The following NPEPL1 variants were observed in gnomAD, a reference collection of about 807,000 sequenced individuals.
NPEPL1 encodes aminopeptidase like 1, also known as probable aminopeptidase NPEPL1.
In NPEPL1, 45 loss-of-function variants were observed where a neutral mutation model predicts 52.4. The ratio of observed to expected loss-of-function variants is 0.86; its 90% CI spans 0.68 to 1.10. The LOEUF is 1.10. Among genes scored for constraint, NPEPL1 ranks in the 50% least tolerant of loss-of-function variants. The pLI, the probability that NPEPL1 is intolerant of heterozygous loss-of-function variation, is 0.00. For missense variants in NPEPL1, 696 were observed against 710.9 expected (o/e 0.98, Z 0.24); for synonymous variants, 360 against 314.7 (o/e 1.14, Z -1.52).
chr20:58,692,864 CGG>C lies in NPEPL1; in HGVS notation c.-35_-34del. 1.0e-6 allele frequency: 1 copy of C among 1,000,000 alleles called. No homozygotes were observed. The highest frequency in any genetic ancestry group is 1.2e-6 in the Non-Finnish European group (1 of 839,300). 61.9% of individuals were successfully genotyped at this position (1,000,000 alleles called of 1,614,324 possible). On this transcript the variant is annotated 5_prime_UTR_variant, in exon 1 of 12. Transcript: ENST00000356091. This position sits in a 1 kb window ranked among gnomAD's most constrained non-coding sequence, Gnocchi z 5.7. ...AAGGGGGCCGAGCGGCGGGCCGGGCCGGGCCGGGCAGGGCCGGGGCGTGGGCC... is the reference window on the plus strand; with the variant it reads ...AAGGGGGCCGAGCGGCGGGCCGGGCCGCCGGGCAGGGCCGGGGCGTGGGCC...
At position 58,699,277 on chromosome 20, in the gene NPEPL1, A is replaced by T; in HGVS notation, c.678A>T (p.Gly226=). ...RDEELKTRGF[G]GIYGVGKAAL... is the part of the protein sequence containing the mutation. Reference sequence around the variant, plus strand: ...AGGAACTGAAGACGAGAGGATTTGGAGGTGGGTGGGGGCTGCATCCCTGCA... The same window carrying T: ...AGGAACTGAAGACGAGAGGATTTGGTGGTGGGTGGGGGCTGCATCCCTGCA... Residue 226 remains glycine, a splice_region_variant and synonymous_variant, in exon 5 of 12, where the codon GGA becomes GGT. Coordinates refer to ENST00000356091, the MANE Select transcript of NPEPL1 (RefSeq NM_024663.4). 1 of 1,604,022 alleles carries T rather than the reference A, an allele frequency of 6.2e-7. No individual in the cohort carries two copies. The highest frequency in any genetic ancestry group is 8.5e-7 in the Non-Finnish European group (1 of 1,175,038).
At chr20:58,695,135 GGTGTGTGTGTGTGGTGT>G (rs2084450200) in intron 3 of NPEPL1, among the ~76,000 whole-genome samples, 2 of 143,614 alleles carry the variant, frequency 1.4e-5, no homozygotes, top group East Asian at 2.1e-4. Context: ...GTGCATGAGT[GGTGTGTGTGTGTGGTGT>G]GCATGTGTGG....
upstream of NPEPL1, chr20:58,691,531 G>A: frequency 1.5e-6 from 1 of 662,764 alleles, no homozygotes; most frequent in Non-Finnish European, 2.7e-6. Flanking sequence ...TCAGAGCTGA[G>A]CAGACAGACC....
upstream of NPEPL1, chr20:58,691,721 T>TTTTTTTTC: frequency 1.2e-6 from 1 of 817,614 alleles, no homozygotes; most frequent in South Asian, 1.7e-5. Context: ...TTTTCATTTT[T>TTTTTTTTC]AGGCTGGTTA....
rs916590819 is a variant in NPEPL1 at position 58,704,053 on chromosome 20, G to T, written c.822+2895G>T. ...ACGTGGATTTGGGATCAACCAGCAG[G>T]CCTTTCCTGAGCTGTTACTGTGTGG... On this transcript the variant is annotated intron_variant, in intron 6 of 11. Coordinates refer to ENST00000356091, the MANE Select transcript of NPEPL1 (RefSeq NM_024663.4). The T allele has an allele frequency of 3.0e-6, 3 of 985,238 alleles. No individual in the cohort carries two copies. The African/African-American group carries it at 5.2e-5, about 17-fold the overall frequency. The allele number at this position is 985,238 out of a possible 1,614,324, so 61.0% of individuals were successfully genotyped here. A position where few individuals can be genotyped will look rare whatever the true frequency, so the allele number is the denominator to read the frequency against.
In NPEPL1 at chr20:58,692,976, G is replaced by C. The variant is rs1279708360; in HGVS notation, c.76G>C (p.Gly26Arg). 4 of 1,193,334 alleles carry C rather than the reference G, an allele frequency of 3.4e-6. No individual in the cohort carries two copies. The highest frequency in any genetic ancestry group is 9.3e-5 in the East Asian group (2 of 21,392). 73.9% of individuals were successfully genotyped at this position (1,193,334 alleles called of 1,614,324 possible). A position where few individuals can be genotyped will look rare whatever the true frequency, so the allele number is the denominator to read the frequency against. The change falls in exon 1 of 12, where the codon GGG becomes CGG. Residue 26 changes from glycine (G) to arginine (R), a missense_variant. Physicochemically the swap from Gly to Arg is moderately radical, Grantham distance 125 (BLOSUM62 -2). Transcript: ENST00000356091. This position sits in a 1 kb window ranked among gnomAD's most constrained non-coding sequence, Gnocchi z 5.7. ...ACAGAGCCGGCCCCTGCTGCTGCTC[G>C]GGCAGCTGCACCACCTGCACCGCGT... Reference protein sequence around the residue: ...DPQSRPLLLLGQLHHLHRVPW... With the variant: ...DPQSRPLLLLRQLHHLHRVPW...
Position 58,715,626 on chromosome 20 carries a change from T to G in NPEPL1, c.*300T>G. 7.8e-6 allele frequency: 2 copies of G among 257,616 alleles called. No homozygotes were observed. Among genetic ancestry groups the G allele is most frequent in the Non-Finnish European group, 1.5e-5 (2 of 135,530 alleles). The allele number at this position is 257,616 out of a possible 1,614,324, so 16.0% of individuals were successfully genotyped here. The stretch of plus-strand genomic sequence containing the variant: ...GGGGTGAGGCCTCCTGCCTGCCTGG[T>G]GCCCTGTCCCAGCCCCAGGTCCTGT... On this transcript the variant is annotated 3_prime_UTR_variant, in exon 12 of 12. Coordinates refer to ENST00000356091, the MANE Select transcript of NPEPL1 (RefSeq NM_024663.4).
At chr20:58,702,891 A>G (rs1314506580) in intron 6 of NPEPL1, among the ~76,000 whole-genome samples, 1 of 152,246 alleles carries the variant, frequency 6.6e-6, no homozygotes, top group Non-Finnish European at 1.5e-5. Context: ...CTGTGTGTTC[A>G]GTTCTTCAGG....
chr20:58,701,372 TG>T (rs1168241468), intron 6 of NPEPL1, among the ~76,000 whole-genome samples: 470 of 10,858 alleles, frequency 0.043, 6 homozygotes, highest in East Asian at 0.11. Context: ...CAGGGTGCCC[TG>T]GGGGGGGGGG....
At position 58,713,720 on chromosome 20, in the gene NPEPL1, G is replaced by A. The variant is rs2084901856; in HGVS notation, c.1125+177G>A. On this transcript the variant is annotated intron_variant, in intron 9 of 11. Coordinates refer to ENST00000356091, the MANE Select transcript of NPEPL1 (RefSeq NM_024663.4). The surrounding 1 kb of genome is among the most constrained non-coding windows in gnomAD (Gnocchi z 4.6). ...TTGGTGTGGGCAGTACCGAGGCCCA[G>A]GCTGGATGCAGAGCCGGGAACCGCC... The A allele has an allele frequency of 3.7e-6, 4 of 1,093,698 alleles. No homozygotes were observed. Among genetic ancestry groups the A allele is most frequent in the Non-Finnish European group, 5.0e-6 (4 of 800,058 alleles). The allele number at this position is 1,093,698 out of a possible 1,614,324, so 67.7% of individuals were successfully genotyped here.
chr20:58,715,503 G>C lies in NPEPL1; in HGVS notation c.*177G>C, dbSNP rs981408705. On this transcript the variant is annotated 3_prime_UTR_variant, in exon 12 of 12. Coordinates refer to ENST00000356091, the MANE Select transcript of NPEPL1 (RefSeq NM_024663.4). ...AGCTTAGGGTTTGGTGCGGGCCACG[G>C]GGAGGGGACCGGGAAGCGCTGGGGC... 5 of 622,650 alleles carry C rather than the reference G, an allele frequency of 8.0e-6. No homozygotes were observed. In the African/African-American group the frequency reaches 9.6e-5, roughly 12 times the overall value. The allele number at this position is 622,650 out of a possible 1,614,324, so 38.6% of individuals were successfully genotyped here.
chr20:58,694,093 GC>G (rs2084410389), intron 2 of NPEPL1, among the ~76,000 whole-genome samples, 171 bp downstream of exon 2: 1 of 152,204 alleles, frequency 6.6e-6, no homozygotes, highest in Non-Finnish European at 1.5e-5. Context: ...GCGGGGATTT[GC>G]CCCAGATCAG....
rs374955322 is a variant in NPEPL1 at position 58,712,525 on chromosome 20, C to T, written c.947C>T (p.Ser316Leu). ...GCTGTGTTCTGCTTGGCTGAGAACT[C>T]GGTGGGGCCCAATGCGACAAGGCCA... ...LHAVFCLAEN[S>L]VGPNATRPDD... The change falls in exon 8 of 12, where the codon TCG (serine) becomes TTG (leucine). Residue 316 changes from serine to leucine, a missense_variant. Ser to Leu is a moderately radical substitution (Grantham distance 145, BLOSUM62 -2). Transcript: ENST00000356091. 3.7e-6 allele frequency: 6 copies of T among 1,613,568 alleles called. No homozygotes were observed. The highest frequency in any genetic ancestry group is 2.2e-5 in the East Asian group (1 of 44,868).
rs372044536 is a variant in NPEPL1 at position 58,701,004 on chromosome 20, C to G, written c.680-12C>G. Reference sequence around the variant, plus strand: ...CCCGAGCCTAACCCAGTTCTCCCCACGCTTTCCATAGGAATCTATGGGGTT... The same window carrying G: ...CCCGAGCCTAACCCAGTTCTCCCCAGGCTTTCCATAGGAATCTATGGGGTT... On this transcript the variant is annotated splice_polypyrimidine_tract_variant and intron_variant, in intron 5 of 11. Transcript: ENST00000356091. 2 of 1,560,574 alleles carry G rather than the reference C, an allele frequency of 1.3e-6. No homozygotes were observed. The highest frequency in any genetic ancestry group is 2.4e-5 in the South Asian group (2 of 83,294).
In NPEPL1 at chr20:58,699,283, G is replaced by A. The variant is rs1180464919; in HGVS notation, c.679+5G>A. The A allele has an allele frequency of 4.4e-6, 7 of 1,601,926 alleles. No individual in the cohort carries two copies. The Admixed American group carries it at 5.1e-5, about 12-fold the overall frequency. On this transcript the variant is annotated splice_donor_5th_base_variant and intron_variant, in intron 5 of 11. Transcript: ENST00000356091. ...TGAAGACGAGAGGATTTGGAGGTGG[G>A]TGGGGGCTGCATCCCTGCAGCTCTT... is the stretch of plus-strand genomic sequence containing the variant.
intron 10 of NPEPL1, 71 bp from the exon 11 acceptor site, chr20:58,714,489 G>A (rs968221894): frequency 1.8e-6 from 2 of 1,121,562 alleles, no homozygotes; most frequent in Non-Finnish European, 2.5e-6. Context: ...AATAGTGACA[G>A]GCGATGGGGC....
intron 8 of NPEPL1, 49 bp downstream of exon 8, chr20:58,712,628 C>T (rs2084874542): frequency 7.5e-7 from 1 of 1,332,540 alleles, no homozygotes; most frequent in African/African-American, 1.4e-5. Flanking sequence ...GAACTCGCGA[C>T]CCTTCCCGGC....
chr20:58,715,019 C>A, intron 11 of NPEPL1, 149 bp from the exon 12 acceptor site: 2 of 900,408 alleles, frequency 2.2e-6, no homozygotes, highest in South Asian at 1.8e-5. Context: ...GCATGGAAGG[C>A]TCTGGGCTCC....
intron 6 of NPEPL1, among the ~76,000 whole-genome samples, chr20:58,706,273 C>T (rs757444613): frequency 6.6e-6 from 1 of 152,030 alleles, no homozygotes; most frequent in African/African-American, 2.4e-5. Flanking sequence ...CTTCTTCTGG[C>T]GATAGACCTG....
Sources: gnomAD v4.1 joint callset for allele counts (sites outside exome capture counted in the v4.1 genomes callset) on GRCh38, gnomAD v4.1.1 for gene constraint, Gnocchi (gnomAD v3.1) non-coding constraint, MANE v1.5 for transcripts, NCBI Gene and HGNC (gene_info 2026-07-23, HGNC 2026-07-21) for gene names.